DSP: variants seen among roughly 807,000 people sequenced by gnomAD.
DSP encodes 250/210 kDa paraneoplastic pemphigus antigen.
DSP carries 114 observed loss-of-function variants against 290.6 expected under a neutral mutation model. The ratio of observed to expected loss-of-function variants is 0.39; its 90% confidence interval spans 0.34 to 0.46. DSP has a LOEUF of 0.46. Ranked by LOEUF, DSP falls within the 20% of genes least tolerant of loss-of-function variation. The pLI is 0.99. For synonymous variants in DSP, 1,311 were observed against 1,316.4 expected (o/e 1.00, Z 0.09); for missense variants, 3,230 against 3,495.8 (o/e 0.92, Z 1.92).
At position 7,559,269 on chromosome 6, in the gene DSP, A is replaced by T; in HGVS notation, c.466A>T (p.Ile156Phe). Residue 156 changes from isoleucine (I) to phenylalanine (F), a missense_variant, in exon 4 of 24, where the codon ATC (isoleucine) becomes TTC (phenylalanine). Transcript: ENST00000379802. ...GCAAATGCGAGCCCTTTATAAAGCC[A>T]TCAGTGTCCCTCGAGTCCGCAGGGC... Reference protein sequence around the residue: ...QEQMRALYKAISVPRVRRASS... With the variant: ...QEQMRALYKAFSVPRVRRASS... 6.2e-7 allele frequency: 1 copy of T among 1,614,028 alleles called. No individual in the cohort carries two copies. The highest frequency in any genetic ancestry group is 1.1e-5 in the South Asian group (1 of 91,076).
intron 10 of DSP, 66 bp from the exon 11 acceptor site, chr6:7,568,371 G>A: frequency 6.4e-7 from 1 of 1,569,856 alleles, no homozygotes; most frequent in South Asian, 1.1e-5. Flanking sequence ...ATTAATGCAG[G>A]TTGAAAATCT....
Position 7,563,476 on chromosome 6 carries a change from T to A in DSP, c.727-260T>A, listed in dbSNP as rs150791961. ...TGATGTCTTTAAACTTTAAGACAAT[T>A]TTCTAACACGTGAGTCTTTAAGTGA... On this transcript the variant is annotated intron_variant, in intron 5 of 23. Coordinates refer to ENST00000379802, the MANE Select transcript of DSP (RefSeq NM_004415.4). Among the ~76,000 whole-genome samples the A allele has an allele frequency of 5.9e-5, 9 of 152,302 alleles. No homozygotes were observed. In the East Asian group the frequency reaches 1.7e-3, roughly 29 times the overall value.
In DSP at chr6:7,581,475, G is replaced by A. The variant is rs751849031; in HGVS notation, c.5285G>A (p.Arg1762Gln). ...LRSQLQISNN[R>Q]TLELQGLIND... Reference sequence around the variant, plus strand: ...AGCCAGCTGCAGATCAGCAACAACCGGACCCTGGAACTGCAGGGGCTGATT... The same window carrying A: ...AGCCAGCTGCAGATCAGCAACAACCAGACCCTGGAACTGCAGGGGCTGATT... Residue 1762 changes from arginine to glutamine, a missense_variant, in exon 23 of 24, where the codon CGG becomes CAG. Around this residue, in one of 5 missense-constraint regions of DSP, gnomAD observed 1,714 missense variants for 1,844.5 expected, o/e 0.93. Transcript: ENST00000379802. The A allele has an allele frequency of 2.9e-5, 46 of 1,613,226 alleles. No homozygotes were observed. The highest frequency in any genetic ancestry group is 5.3e-5 in the African/African-American group (4 of 74,784).
In DSP at chr6:7,578,559, G is replaced by C; in HGVS notation, c.3081G>C (p.Leu1027=). The C allele has an allele frequency of 6.2e-7, 1 of 1,612,108 alleles. No individual in the cohort carries two copies. The change falls in exon 22 of 24, where the codon CTG becomes CTC. Residue 1027 remains leucine (L), a synonymous_variant. Coordinates refer to ENST00000379802, the MANE Select transcript of DSP (RefSeq NM_004415.4). ...LSEMLKSLED[L]KLKNTKIEVL... is the part of the protein sequence containing the mutation. ...AGATGCTGAAGAGTTTGGAAGATCT[G>C]AAGGTAATTTATACTGTCTTTTCTT...
chr6:7,568,534 A>G lies in DSP; in HGVS notation c.1364A>G (p.Tyr455Cys), dbSNP rs1758932888. The G allele has an allele frequency of 6.2e-7, 1 of 1,614,010 alleles. No homozygotes were observed. Among genetic ancestry groups the G allele is most frequent in the South Asian group, 1.1e-5 (1 of 91,090 alleles). ...IVQLKPRNPDYRSNKPIILRA... is the reference protein window; with the variant it reads ...IVQLKPRNPDCRSNKPIILRA... Reference sequence around the variant, plus strand: ...CAGCTGAAGCCTCGTAACCCAGACTACAGAAGCAATAAACCCATTATTCTC... The same window carrying G: ...CAGCTGAAGCCTCGTAACCCAGACTGCAGAAGCAATAAACCCATTATTCTC... Residue 455 changes from tyrosine (Y) to cysteine (C), a missense_variant, in exon 11 of 24, where the codon TAC (tyrosine) becomes TGC (cysteine). Tyr to Cys is a radical substitution (Grantham distance 194). This residue lies in a region of DSP where 646 missense variants were observed against 684.3 expected (regional missense o/e 0.94). Transcript: ENST00000379802.
rs1304859870 is a variant in DSP at position 7,584,808 on chromosome 6, A to C, written c.7546A>C (p.Arg2516=). 1.1e-5 allele frequency: 17 copies of C among 1,614,242 alleles called. No individual in the cohort carries two copies. Among genetic ancestry groups the C allele is most frequent in the Non-Finnish European group, 1.4e-5 (16 of 1,180,044 alleles). The change falls in exon 24 of 24, where the codon AGG becomes CGG. Residue 2516 remains arginine (R), a synonymous_variant. Coordinates refer to ENST00000379802, the MANE Select transcript of DSP (RefSeq NM_004415.4). This position sits in a 1 kb window ranked among gnomAD's most constrained non-coding sequence, Gnocchi z 6.4. ...ITITGSDGST[R]VVLVDRKTGS... is the part of the protein sequence containing the mutation. ...CATCACGGGATCAGATGGCTCCACC[A>C]GGGTGGTCCTGGTAGATAGAAAGAC...
chr6:7,567,214 A>C (rs1359038430), intron 8 of DSP, 140 bp from the exon 9 acceptor site: 1 of 762,564 alleles, frequency 1.3e-6, no homozygotes, highest in Admixed American at 2.0e-5. Flanking sequence ...TTCTCTTTCC[A>C]ACTTTTAGAA....
In DSP at chr6:7,558,121, G is replaced by C. The variant is rs1447901875; in HGVS notation, c.279G>C (p.Leu93Phe). ...MRAELIVQPE[L>F]KYGDGIQLTR... ...ATGTGAGTGTTTTCTTTCAGGAATT[G>C]AAGTATGGAGATGGAATACAACTGA... The change falls in exon 3 of 24, where the codon TTG (leucine) becomes TTC (phenylalanine). Residue 93 changes from leucine to phenylalanine, a missense_variant. Transcript: ENST00000379802. 3.7e-6 allele frequency: 6 copies of C among 1,614,094 alleles called. No homozygotes were observed. The highest frequency in any genetic ancestry group is 5.1e-6 in the Non-Finnish European group (6 of 1,180,040).
chr6:7,568,299 C>T lies in DSP; in HGVS notation c.1267-138C>T, dbSNP rs116149663. On this transcript the variant is annotated intron_variant, in intron 10 of 23. Transcript: ENST00000379802. ...GAAAGGTTCTCATGTTTCCTGCCGA[C>T]GAATTTGTGATTTTTTACAATTGAT... The T allele has an allele frequency of 1.4e-3, 1,391 of 990,054 alleles. 1 individual carries two copies. Among genetic ancestry groups the T allele is most frequent in the Non-Finnish European group, 1.9e-3 (1,219 of 651,498 alleles). 61.3% of individuals were successfully genotyped at this position (990,054 alleles called of 1,614,324 possible).
chr6:7,557,983 A>G (rs1758551348), intron 2 of DSP, 133 bp from the exon 3 acceptor site: 7 of 1,134,908 alleles, frequency 6.2e-6, no homozygotes, highest in Admixed American at 5.4e-5. Context: ...TCTTATCTCA[A>G]TAAGATCATT....
At chr6:7,551,101 C>T (rs920515219) in intron 1 of DSP, among the ~76,000 whole-genome samples, 5 of 151,922 alleles carry the variant, frequency 3.3e-5, no homozygotes, top group Admixed American at 6.6e-5. Context: ...AATTTATTTA[C>T]CATGAACTTA....
In DSP at chr6:7,585,056, C is replaced by T. The variant is rs778495082; in HGVS notation, c.7794C>T (p.Ser2598=). Residue 2598 remains serine, a synonymous_variant, in exon 24 of 24, where the codon AGC becomes AGT. Coordinates refer to ENST00000379802, the MANE Select transcript of DSP (RefSeq NM_004415.4). Reference sequence around the variant, plus strand: ...TAAGTAAGATTTCCACCATATCCAGCGTCAGGAATTTAACCATAAGGAGCA... The same window carrying T: ...TAAGTAAGATTTCCACCATATCCAGTGTCAGGAATTTAACCATAAGGAGCA... ...ESVSKISTIS[S]VRNLTIRSSS... is the part of the protein sequence containing the mutation. 3 of 1,614,150 alleles carry T rather than the reference C, an allele frequency of 1.9e-6. No homozygotes were observed. Among genetic ancestry groups the T allele is most frequent in the South Asian group, 2.2e-5 (2 of 91,074 alleles).
chr6:7,550,743 G>A (rs989098518), intron 1 of DSP, among the ~76,000 whole-genome samples: 2 of 150,682 alleles, frequency 1.3e-5, no homozygotes, highest in African/African-American at 4.9e-5. Context: ...ATTTTGGTTT[G>A]GAAGTCAATA....
chr6:7,579,342 A>G lies in DSP; in HGVS notation c.3152A>G (p.Asn1051Ser). ...LRLARDANSE[N>S]CNKNKFLDQN... Reference sequence around the variant, plus strand: ...CTGGCCCGAGATGCCAACTCGGAAAACTGTAATAAGAACAAATTCCTGGAT... The same window carrying G: ...CTGGCCCGAGATGCCAACTCGGAAAGCTGTAATAAGAACAAATTCCTGGAT... Residue 1051 changes from asparagine (N) to serine (S), a missense_variant, in exon 23 of 24, where the codon AAC becomes AGC. Transcript: ENST00000379802. This position sits in a 1 kb window ranked among gnomAD's most constrained non-coding sequence, Gnocchi z 4.1. The G allele has an allele frequency of 6.2e-7, 1 of 1,614,148 alleles. No individual in the cohort carries two copies.
Position 7,576,574 on chromosome 6 carries a change from A to T in DSP, c.2793+118A>T. The T allele has an allele frequency of 3.0e-6, 4 of 1,338,736 alleles. No individual in the cohort carries two copies. In the South Asian group the frequency reaches 4.8e-5, roughly 16 times the overall value. 82.9% of individuals were successfully genotyped at this position (1,338,736 alleles called of 1,614,324 possible). On this transcript the variant is annotated intron_variant, in intron 19 of 23. Transcript: ENST00000379802. Reference sequence around the variant, plus strand: ...AAATGATGAATATTTAATATTACTAACCCATTTTGTGAAGGCTTAAAGAAT... The same window carrying T: ...AAATGATGAATATTTAATATTACTATCCCATTTTGTGAAGGCTTAAAGAAT...
intron 12 of DSP, 81 bp from the exon 13 acceptor site, chr6:7,570,356 G>C: frequency 1.2e-6 from 2 of 1,604,792 alleles, no homozygotes; most frequent in Non-Finnish European, 1.7e-6. Context: ...TTTGTGCAGT[G>C]GTGTGAGCGT....
rs181464092 is a variant in DSP, at chr6:7,560,554, G to A, written c.597+1154G>A. Among the ~76,000 whole-genome samples the A allele has an allele frequency of 2.0e-3, 297 of 152,258 alleles. 4 individuals are homozygous for A. Among genetic ancestry groups the A allele is most frequent in the Non-Finnish European group, 6.8e-4 (46 of 68,016 alleles). On this transcript the variant is annotated intron_variant, in intron 4 of 23. Coordinates refer to ENST00000379802, the MANE Select transcript of DSP (RefSeq NM_004415.4). ...GCCACCCAAGGGTACAAAGATTATG[G>A]TCCCTAGTCCTGAAAATGAATGTTA...
chr6:7,572,251 G>A (rs559924529), intron 15 of DSP, among the ~76,000 whole-genome samples, 183 bp downstream of exon 15: 161 of 152,298 alleles, frequency 1.1e-3, no homozygotes, highest in African/African-American at 3.7e-3. Context: ...CAGGCTGGGG[G>A]TTAAACTGTT....
rs1759605516 is a variant in DSP at position 7,585,171 on chromosome 6, A to AT, written c.7910dup (p.Glu2638ArgfsTer6). 1 of 1,614,162 alleles carries AT rather than the reference A, an allele frequency of 6.2e-7. No individual in the cohort carries two copies. Among genetic ancestry groups the AT allele is most frequent in the East Asian group, 2.2e-5 (1 of 44,878 alleles). On this transcript the variant is annotated frameshift_variant, in exon 24 of 24. Coordinates refer to ENST00000379802, the MANE Select transcript of DSP (RefSeq NM_004415.4). LOFTEE classifies it high-confidence loss of function. The stretch of plus-strand genomic sequence containing the variant: ...GGAGAAAATCTCCATTACAGAAGGT[A>AT]TAGAGCGGGGCATCGTTGACAGCAT...
Sources: allele counts gnomAD v4.1 joint callset (sites outside exome capture counted in the v4.1 genomes callset), GRCh38; gene constraint gnomAD v4.1.1; regional missense constraint gnomAD v4.1.1; non-coding constraint Gnocchi (gnomAD v3.1); transcripts MANE v1.5; gene names NCBI Gene and HGNC (gene_info 2026-07-23, HGNC 2026-07-21).